Variants in MARCHF1 observed in about 807,000 individuals in gnomAD.
MARCHF1 encodes membrane associated ring-CH-type finger 1.
Under a neutral mutation model 54.2 loss-of-function variants are expected in MARCHF1, and 40 were observed. That is an observed-to-expected ratio of 0.74 (90% CI 0.57 to 0.96). The LOEUF (loss-of-function observed/expected upper bound fraction) is 0.96, where lower values mean the gene tolerates loss of function less well. Ranked by LOEUF, MARCHF1 falls within the 40% of genes least tolerant of loss-of-function variation. The probability of loss-of-function intolerance (pLI) is 0.00; values close to 1 mark genes in which losing one functional copy is unlikely to be tolerated. For missense variants in MARCHF1, 586 were observed against 656.5 expected (o/e 0.89, Z 1.17); for synonymous variants, 236 against 236.3 (o/e 1.00, Z 0.01).
intron 5 of MARCHF1, among the ~76,000 whole-genome samples, chr4:163,628,370 AT>A (rs1477266330): frequency 2.0e-5 from 3 of 152,226 alleles, no homozygotes; most frequent in African/African-American, 7.2e-5. Context: ...AAATCTCTCA[AT>A]AAACTAGGCA....
intron 3 of MARCHF1, among the ~76,000 whole-genome samples, chr4:163,960,910 C>T (rs1383456032): frequency 6.6e-6 from 1 of 151,524 alleles, no homozygotes; most frequent in Non-Finnish European, 1.5e-5. Flanking sequence ...GCTGTCAGGG[C>T]TGGTTTCTGG....
chr4:163,593,046 C>T (rs2110854573), intron 7 of MARCHF1, among the ~76,000 whole-genome samples: 1 of 152,234 alleles, frequency 6.6e-6, no homozygotes, highest in East Asian at 1.9e-4. Flanking sequence ...ACTGCCCTCT[C>T]TATACTCATT....
Position 163,821,776 on chromosome 4 carries a change from C to T in MARCHF1, c.111+32245G>A, listed in dbSNP as rs142214222. 2.2e-3 allele frequency among the ~76,000 whole-genome samples: 286 copies of T among 129,054 alleles called. 1 individual carries two copies. Among genetic ancestry groups the T allele is most frequent in the African/African-American group, 7.6e-3 (271 of 35,534 alleles). The allele number at this position is 129,054 out of a possible 152,430, so 84.7% of individuals were successfully genotyped here. A position where few individuals can be genotyped will look rare whatever the true frequency, so the allele number is the denominator to read the frequency against. The stretch of plus-strand genomic sequence containing the variant: ...ACTCAAATCTCTTACATATTGGCAA[C>T]GTCCTGGGAAAAGAGGGTTTTTTTT... On this transcript the variant is annotated intron_variant, in intron 4 of 9. Transcript: ENST00000514618.
intron 5 of MARCHF1, among the ~76,000 whole-genome samples, chr4:163,632,618 T>C (rs912868262): frequency 2.6e-5 from 4 of 152,152 alleles, no homozygotes; most frequent in African/African-American, 9.7e-5. Flanking sequence ...TCTCGCTGAT[T>C]GTTAGCACAG....
chr4:163,868,203 T>C (rs996341946), intron 3 of MARCHF1, among the ~76,000 whole-genome samples: 3 of 151,652 alleles, frequency 2.0e-5, no homozygotes, highest in African/African-American at 7.3e-5. Context: ...ATATCAAATA[T>C]CAATATCAAA....
rs572484243 is a variant in MARCHF1 at position 163,776,936 on chromosome 4, A to G, written c.112-76073T>C. Among the ~76,000 whole-genome samples the G allele has an allele frequency of 2.1e-3, 313 of 152,298 alleles. 1 individual carries two copies. Among genetic ancestry groups the G allele is most frequent in the African/African-American group, 7.2e-3 (300 of 41,588 alleles). On this transcript the variant is annotated intron_variant, in intron 4 of 9. Transcript: ENST00000514618. Reference sequence around the variant, plus strand: ...CGTGGCATCTTTTTCTACCCTCAAGATACAATGCCTTTGTACTCCCTTTAC... The same window carrying G: ...CGTGGCATCTTTTTCTACCCTCAAGGTACAATGCCTTTGTACTCCCTTTAC...
intron 7 of MARCHF1, among the ~76,000 whole-genome samples, chr4:163,595,539 C>A (rs1213377498): frequency 6.6e-6 from 1 of 151,858 alleles, no homozygotes; most frequent in African/African-American, 2.4e-5. Flanking sequence ...TATATATACA[C>A]AATGAAATAT....
chr4:164,200,962 A>C (rs1368531344), intron 1 of MARCHF1, among the ~76,000 whole-genome samples: 2 of 152,154 alleles, frequency 1.3e-5, no homozygotes, highest in Non-Finnish European at 2.9e-5. Flanking sequence ...GTGGAAACAG[A>C]CTAACAGAAA....
At chr4:163,592,278 T>G (rs935600317) in intron 7 of MARCHF1, among the ~76,000 whole-genome samples, 53 of 152,302 alleles carry the variant, frequency 3.5e-4, no homozygotes, top group African/African-American at 1.2e-3. Flanking sequence ...TGTGATTTTT[T>G]AAAAGTGTTT....
chr4:164,290,076 G>A (rs1265596048), intron 1 of MARCHF1, among the ~76,000 whole-genome samples: 3 of 151,598 alleles, frequency 2.0e-5, no homozygotes, highest in East Asian at 3.9e-4. Flanking sequence ...GTGCCCTGAC[G>A]CATCTCATAT....
intron 5 of MARCHF1, among the ~76,000 whole-genome samples, chr4:163,615,686 A>G (rs777352388): frequency 1.2e-4 from 18 of 152,172 alleles, no homozygotes; most frequent in Non-Finnish European, 2.5e-4. Context: ...AAACCCTACC[A>G]AAATATCAAG....
intron 1 of MARCHF1, among the ~76,000 whole-genome samples, chr4:164,270,787 C>A (rs1579677800): frequency 6.6e-6 from 1 of 152,094 alleles, no homozygotes; most frequent in African/African-American, 2.4e-5. Flanking sequence ...AAACACTAAC[C>A]ATTGTAGCAT....
chr4:163,801,978 G>A (rs1748095638), intron 4 of MARCHF1, among the ~76,000 whole-genome samples: 1 of 152,008 alleles, frequency 6.6e-6, no homozygotes, highest in South Asian at 2.1e-4. Flanking sequence ...AACGCTAAAT[G>A]TTTTTGATTA....
intron 1 of MARCHF1, among the ~76,000 whole-genome samples, chr4:164,304,506 A>G (rs1023506727): frequency 3.8e-4 from 58 of 152,190 alleles, no homozygotes; most frequent in African/African-American, 1.3e-3. Context: ...CAGTGGTCAG[A>G]TCTGGCACAG....
intron 3 of MARCHF1, among the ~76,000 whole-genome samples, chr4:163,870,315 T>C (rs1293292169): frequency 3.9e-5 from 6 of 152,114 alleles, no homozygotes; most frequent in Non-Finnish European, 8.8e-5. Context: ...TTTCAAAAGG[T>C]TTATCTTTCA....
At chr4:163,780,575 G>C (rs1371046398) in intron 4 of MARCHF1, among the ~76,000 whole-genome samples, 1 of 151,632 alleles carries the variant, frequency 6.6e-6, no homozygotes, top group South Asian at 2.1e-4. Flanking sequence ...AAAAATGAAG[G>C]CTGTAAGAAA....
chr4:164,184,267 G>T (rs2111024319), intron 1 of MARCHF1, among the ~76,000 whole-genome samples: 1 of 152,200 alleles, frequency 6.6e-6, no homozygotes, highest in East Asian at 1.9e-4. Context: ...TCACCCCATT[G>T]ATTATAGGTA....
chr4:164,025,146 A>G (rs913484072), intron 2 of MARCHF1, among the ~76,000 whole-genome samples: 2 of 152,108 alleles, frequency 1.3e-5, no homozygotes, highest in African/African-American at 4.8e-5. Context: ...TAATAGTAAA[A>G]CATTTCAAGA....
chr4:164,007,345 CAAAAAAAAAAAAAA>C (rs56306052), intron 2 of MARCHF1, among the ~76,000 whole-genome samples: 3 of 81,794 alleles, frequency 3.7e-5, no homozygotes, highest in East Asian at 4.8e-4. Context: ...GACTCCATCT[CAAAAAAAAAAAAAA>C]AAAAAAAAAA....
Sources: allele counts gnomAD v4.1 joint callset (sites outside exome capture counted in the v4.1 genomes callset), GRCh38; gene constraint gnomAD v4.1.1; transcripts MANE v1.5; gene names NCBI Gene and HGNC (gene_info 2026-07-23, HGNC 2026-07-21).